The following ANKAR variants were observed in gnomAD, a reference collection of about 807,000 sequenced individuals.
ANKAR encodes ankyrin and armadillo repeat containing, also known as ankyrin and armadillo repeat-containing protein.
ANKAR carries 136 observed loss-of-function variants against 146.2 expected under a neutral mutation model. The observed-to-expected ratio is 0.93, with a 90% CI of 0.81 to 1.07. ANKAR has a LOEUF of 1.07. Among genes scored for constraint, ANKAR ranks in the 50% least tolerant of loss-of-function variants. ANKAR has a pLI of 0.00. For missense variants in ANKAR, 1,567 were observed against 1,679.9 expected, an observed-to-expected ratio of 0.93 and a Z score of 1.18; for synonymous variants, 500 against 575.8, an observed-to-expected ratio of 0.87 and a Z score of 1.88.
chr2:189,700,038 A>T (rs13021611), intron 7 of ANKAR, among the ~76,000 whole-genome samples: 88,541 of 149,360 alleles, frequency 0.59, 29,398 homozygotes, highest in South Asian at 0.76. Context: ...CTTGACCTTC[A>T]TTTTTTTTTT....
chr2:189,717,579 A>C lies in ANKAR; in HGVS notation c.2225-1993A>C, dbSNP rs187619387. 5.0e-3 allele frequency among the ~76,000 whole-genome samples: 769 copies of C among 152,300 alleles called. 4 individuals carry two copies. Among genetic ancestry groups the C allele is most frequent in the African/African-American group, 0.017 (723 of 41,568 alleles). ...AAATACCATTTGACCCAGCAATCCC[A>C]TTACTGGGTATATACCCAAAGCATT... On this transcript the variant is annotated intron_variant, in intron 10 of 22. Transcript: ENST00000684021.
intron 19 of ANKAR, among the ~76,000 whole-genome samples, chr2:189,740,768 A>C (rs2043257289): frequency 6.6e-6 from 1 of 151,774 alleles, no homozygotes; most frequent in African/African-American, 2.4e-5. Flanking sequence ...ATCTCTGCTC[A>C]CTGCAACCTC....
intron 18 of ANKAR, among the ~76,000 whole-genome samples, chr2:189,753,558 T>C (rs1313779081): frequency 1.3e-5 from 2 of 151,930 alleles, no homozygotes; most frequent in Admixed American, 6.6e-5. Context: ...GACTGGCTTA[T>C]TAAAAAAACA....
chr2:189,709,941 A>G (rs1452934988), intron 9 of ANKAR, among the ~76,000 whole-genome samples: 5 of 152,178 alleles, frequency 3.3e-5, no homozygotes, highest in Non-Finnish European at 2.9e-5. Context: ...TCCTACAGCC[A>G]TTGTGGGGGA....
intron 7 of ANKAR, among the ~76,000 whole-genome samples, chr2:189,704,584 T>A (rs1574491825): frequency 3.3e-5 from 4 of 120,160 alleles, no homozygotes; most frequent in Non-Finnish European, 6.9e-5. Context: ...TATATATATA[T>A]ATATATATAT....
downstream of ANKAR, chr2:189,762,898 C>T (rs139986986): frequency 8.2e-4 from 808 of 985,354 alleles, 3 homozygotes; most frequent in Middle Eastern, 8.9e-3. Flanking sequence ...CCAAAACGCT[C>T]TCTGTGCGCA....
At chr2:189,754,516 C>G in intron 18 of ANKAR, 1 of 610,506 alleles carries the variant, frequency 1.6e-6, no homozygotes, top group South Asian at 2.3e-5. Flanking sequence ...AGCAGACAAC[C>G]CTGTTCCTTA....
chr2:189,753,181 T>C (rs538214843), intron 18 of ANKAR: 2 of 352,546 alleles, frequency 5.7e-6, no homozygotes, highest in African/African-American at 2.1e-5. Flanking sequence ...CAAACATTAC[T>C]AGCATTTTTG....
intron 18 of ANKAR, chr2:189,752,883 T>C: frequency 1.2e-6 from 2 of 1,613,906 alleles, no homozygotes; most frequent in Non-Finnish European, 1.7e-6. Flanking sequence ...GTGCATAGTC[T>C]GGGAGGAGGA....
chr2:189,728,021 T>C lies in ANKAR; in HGVS notation c.2801T>C (p.Leu934Pro), dbSNP rs1415451379. 8 of 1,613,936 alleles carry C rather than the reference T, an allele frequency of 5.0e-6. No individual in the cohort carries two copies. The highest frequency in any genetic ancestry group is 6.8e-6 in the Non-Finnish European group (8 of 1,179,978). Residue 934 changes from leucine to proline, a missense_variant, in exon 13 of 23, where the codon CTG becomes CCG. Transcript: ENST00000684021. The stretch of plus-strand genomic sequence containing the variant: ...AAAGGTGCAATGGCTGTGGAATCAC[T>C]GGCAAGTCACAACGCTCTTATACAG... Reference protein sequence around the residue: ...QMKGAMAVESLASHNALIQKA... With the variant: ...QMKGAMAVESPASHNALIQKA...
intron 6 of ANKAR, 102 bp downstream of exon 6, chr2:189,695,263 A>G (rs536908302): frequency 8.2e-6 from 8 of 975,908 alleles, no homozygotes; most frequent in African/African-American, 8.2e-5. Flanking sequence ...AATAGGTTAA[A>G]GTCTTCAACA....
chr2:189,740,695 T>A (rs1225101), intron 19 of ANKAR, among the ~76,000 whole-genome samples: 38,581 of 77,128 alleles, frequency 0.5, 5,548 homozygotes, highest in Middle Eastern at 0.54. Flanking sequence ...AAAGGACATA[T>A]TAATTTTTTT....
At chr2:189,742,198 G>A (rs2043401485) in intron 20 of ANKAR, among the ~76,000 whole-genome samples, 1 of 152,146 alleles carries the variant, frequency 6.6e-6, no homozygotes, top group Non-Finnish European at 1.5e-5. Flanking sequence ...GAGTTTCTGA[G>A]CCAATACATT....
chr2:189,724,121 A>G lies in ANKAR; in HGVS notation c.2635+3334A>G, dbSNP rs1041844907. ...CATGGGGAAGAATGAGTAAGGGGTA[A>G]ATTTTTATTCTTAACATTTCTGAGT... On this transcript the variant is annotated intron_variant, in intron 12 of 22. Transcript: ENST00000684021. Among the ~76,000 whole-genome samples the G allele has an allele frequency of 3.9e-5, 6 of 152,124 alleles. 1 individual carries two copies. The highest frequency in any genetic ancestry group is 3.9e-4 in the Admixed American group (6 of 15,266).
chr2:189,710,272 G>A (rs1450827522), intron 9 of ANKAR, among the ~76,000 whole-genome samples: 1 of 125,958 alleles, frequency 7.9e-6, no homozygotes, highest in African/African-American at 3.0e-5. Context: ...TGTAGTACAA[G>A]TTCATCCAAG....
chr2:189,704,966 G>GT (rs976279441), intron 7 of ANKAR, 57 bp from the exon 8 acceptor site: 101 of 1,528,786 alleles, frequency 6.6e-5, no homozygotes, highest in East Asian at 9.0e-5. Context: ...AGGCATTTAG[G>GT]TTTTTTTTAG....
At position 189,696,325 on chromosome 2, in the gene ANKAR, C is replaced by T. The variant is rs775304053; in HGVS notation, c.1664C>T (p.Ala555Val). The T allele has an allele frequency of 3.1e-6, 5 of 1,613,922 alleles. No individual in the cohort carries two copies. The highest frequency in any genetic ancestry group is 3.4e-6 in the Non-Finnish European group (4 of 1,179,996). ...RVSIICQLCN[A>V]NFKVNQRRFV... Reference sequence around the variant, plus strand: ...TCTATTATATGTCAACTGTGCAATGCTAACTTCAAGGTCAACCAGAGGCGC... The same window carrying T: ...TCTATTATATGTCAACTGTGCAATGTTAACTTCAAGGTCAACCAGAGGCGC... The change falls in exon 7 of 23, where the codon GCT (alanine) becomes GTT (valine). Residue 555 changes from alanine (A) to valine (V), a missense_variant. By Grantham distance (64) the Ala-to-Val change is moderately conservative. Coordinates refer to ENST00000684021, the MANE Select transcript of ANKAR (RefSeq NM_001378068.1).
chr2:189,699,159 A>G (rs116844564), intron 7 of ANKAR, among the ~76,000 whole-genome samples: 5,760 of 152,112 alleles, frequency 0.038, 156 homozygotes, highest in African/African-American at 0.067. Flanking sequence ...TTTATTGGAA[A>G]CCTTAAATAC....
chr2:189,738,690 A>T lies in ANKAR; in HGVS notation c.3700+8A>T, dbSNP rs1460932243. On this transcript the variant is annotated splice_region_variant and intron_variant, in intron 19 of 22. Coordinates refer to ENST00000684021, the MANE Select transcript of ANKAR (RefSeq NM_001378068.1). Reference sequence around the variant, plus strand: ...CTACTATTGTCTTGACAGGTAAGAAATGACTAGAAGTTAATTTTAGCCACA... The same window carrying T: ...CTACTATTGTCTTGACAGGTAAGAATTGACTAGAAGTTAATTTTAGCCACA... 1.3e-6 allele frequency: 2 copies of T among 1,520,432 alleles called. No homozygotes were observed. Among genetic ancestry groups the T allele is most frequent in the Non-Finnish European group, 1.8e-6 (2 of 1,108,474 alleles). 94.2% of individuals were successfully genotyped at this position (1,520,432 alleles called of 1,614,324 possible). A position where few individuals can be genotyped will look rare whatever the true frequency, so the allele number is the denominator to read the frequency against.
Sources: allele counts gnomAD v4.1 joint callset (sites outside exome capture counted in the v4.1 genomes callset), GRCh38; gene constraint gnomAD v4.1.1; transcripts MANE v1.5; gene names NCBI Gene and HGNC (gene_info 2026-07-23, HGNC 2026-07-21).